CFAP54: variants seen among roughly 807,000 people sequenced by gnomAD.
CFAP54 encodes the protein cilia and flagella associated protein 54, also known as cilia- and flagella-associated protein 54.
CFAP54 carries 290 observed loss-of-function variants against 370.4 expected under a neutral mutation model. The ratio of observed to expected loss-of-function variants is 0.78; its 90% CI spans 0.71 to 0.86. The LOEUF is 0.86. Among genes scored for constraint, CFAP54 ranks in the 40% least tolerant of loss-of-function variants. The pLI, the probability that CFAP54 is intolerant of heterozygous loss-of-function variation, is 0.00. For missense variants in CFAP54, 3,399 were observed against 3,528.7 expected (o/e 0.96, Z 0.93); for synonymous variants, 1,206 against 1,236.5 (o/e 0.98, Z 0.52).
At chr12:96,632,122 C>G (rs1026384950) in intron 32 of CFAP54, among the ~76,000 whole-genome samples, 1 of 151,892 alleles carries the variant, frequency 6.6e-6, no homozygotes, top group Non-Finnish European at 1.5e-5. Flanking sequence ...TTTTATTTGG[C>G]CCAAGGGTTT....
chr12:96,580,693 C>A lies in CFAP54; in HGVS notation c.2889+4C>A. 1 of 1,480,272 alleles carries A rather than the reference C, an allele frequency of 6.8e-7. No individual in the cohort carries two copies. The highest frequency in any genetic ancestry group is 1.3e-5 in the South Asian group (1 of 79,142). 91.7% of individuals were successfully genotyped at this position (1,480,272 alleles called of 1,614,324 possible). On this transcript the variant is annotated splice_donor_region_variant and intron_variant, in intron 21 of 67. Coordinates refer to ENST00000524981, the MANE Select transcript of CFAP54 (RefSeq NM_001306084.2). Reference sequence around the variant, plus strand: ...TCTCCCAAATTCAGGAGAAGCGGTACGTCAAATTAAACATCAGGAAATCTT... The same window carrying A: ...TCTCCCAAATTCAGGAGAAGCGGTAAGTCAAATTAAACATCAGGAAATCTT...
At chr12:96,715,505 C>T (rs758315604) in intron 48 of CFAP54, among the ~76,000 whole-genome samples, 1 of 152,194 alleles carries the variant, frequency 6.6e-6, no homozygotes, top group Admixed American at 6.5e-5. Context: ...CAGTGAAACA[C>T]TGGTACTGTC....
chr12:96,750,285 TGCAGCAGCA>T (rs372696653), intron 55 of CFAP54, among the ~76,000 whole-genome samples: 79 of 151,632 alleles, frequency 5.2e-4, no homozygotes, highest in African/African-American at 9.2e-4. Context: ...ACCTGTCTCC[TGCAGCAGCA>T]GCAGCAGCAG....
At position 96,817,889 on chromosome 12, in the gene CFAP54, G is replaced by A; in HGVS notation, c.9072G>A (p.Glu3024=). ...ACATATATGAAGTAGAAGTGGAAGA[G>A]GAATCAGTTGATAATGAAATGGAAG... ...NENIYEVEVE[E]ESVDNEMEDM... The change falls in exon 65 of 68, where the codon GAG becomes GAA. Residue 3024 remains glutamate (E), a synonymous_variant. Coordinates refer to ENST00000524981, the MANE Select transcript of CFAP54 (RefSeq NM_001306084.2). 1.3e-6 allele frequency: 2 copies of A among 1,492,910 alleles called. No individual in the cohort carries two copies. The highest frequency in any genetic ancestry group is 2.6e-5 in the South Asian group (2 of 77,358). 92.5% of individuals were successfully genotyped at this position (1,492,910 alleles called of 1,614,324 possible). A position where few individuals can be genotyped will look rare whatever the true frequency, so the allele number is the denominator to read the frequency against.
In CFAP54 at chr12:96,775,495, A is replaced by G. The variant is rs151059844; in HGVS notation, c.8282-9222A>G. 2.6e-5 allele frequency among the ~76,000 whole-genome samples: 4 copies of G among 152,328 alleles called. No homozygotes were observed. The East Asian group carries it at 7.7e-4, about 29-fold the overall frequency. ...TTTCATATGATTTTCATGTAACACA[A>G]AATATTATTCTTTTAATTTTTTTCC... On this transcript the variant is annotated intron_variant, in intron 60 of 67. Transcript: ENST00000524981.
At position 96,743,740 on chromosome 12, in the gene CFAP54, C is replaced by T. The variant is rs768288861; in HGVS notation, c.7387C>T (p.His2463Tyr). Residue 2463 changes from histidine (H) to tyrosine (Y), a missense_variant, in exon 54 of 68, where the codon CAT (histidine) becomes TAT (tyrosine). By Grantham distance (83) the His-to-Tyr change is moderately conservative (BLOSUM62 2). Coordinates refer to ENST00000524981, the MANE Select transcript of CFAP54 (RefSeq NM_001306084.2). ...AATTTTATTTTAATAGGATATAATA[C>T]ATTTGCTGGAAGGAAATGAATTTAT... is the stretch of plus-strand genomic sequence containing the variant. ...DIMTNLQDII[H>Y]LLEGNEFISP... The T allele has an allele frequency of 6.2e-6, 10 of 1,603,280 alleles. No homozygotes were observed. Among genetic ancestry groups the T allele is most frequent in the Non-Finnish European group, 8.5e-6 (10 of 1,175,914 alleles).
At chr12:96,710,655 C>T (rs1261100804) in intron 48 of CFAP54, among the ~76,000 whole-genome samples, 3 of 151,856 alleles carry the variant, frequency 2.0e-5, no homozygotes, top group Non-Finnish European at 4.4e-5. Flanking sequence ...CTACATCAGA[C>T]ATACAGAATT....
At chr12:96,792,568 G>A in intron 63 of CFAP54, 69 bp downstream of exon 63, 1 of 1,178,488 alleles carries the variant, frequency 8.5e-7, no homozygotes, top group South Asian at 1.7e-5. Context: ...ATTATAACTT[G>A]GAGAGTAGAG....
intron 39 of CFAP54, among the ~76,000 whole-genome samples, chr12:96,676,846 A>T (rs570312791): frequency 6.6e-6 from 1 of 151,924 alleles, no homozygotes; most frequent in East Asian, 1.9e-4. Flanking sequence ...TACAAAAGAG[A>T]CCCCAGGTTG....
chr12:96,803,951 A>G (rs1051566450), intron 63 of CFAP54, among the ~76,000 whole-genome samples: 1 of 152,190 alleles, frequency 6.6e-6, no homozygotes, highest in South Asian at 2.1e-4. Flanking sequence ...AAGAACCTCA[A>G]TGAAATGCAG....
intron 58 of CFAP54, among the ~76,000 whole-genome samples, chr12:96,757,973 G>A (rs1958283383): frequency 6.6e-6 from 1 of 152,180 alleles, no homozygotes; most frequent in Non-Finnish European, 1.5e-5. Context: ...ATGGACAAGT[G>A]AAGTTTTCAA....
At chr12:96,663,033 C>T (rs1328873249) in intron 38 of CFAP54, among the ~76,000 whole-genome samples, 1 of 152,152 alleles carries the variant, frequency 6.6e-6, no homozygotes, top group Non-Finnish European at 1.5e-5. Flanking sequence ...GCTACATCAT[C>T]CCTTCTTCTT....
At chr12:96,614,997 T>C (rs1176878182) in intron 26 of CFAP54, among the ~76,000 whole-genome samples, 1 of 152,122 alleles carries the variant, frequency 6.6e-6, no homozygotes, top group Non-Finnish European at 1.5e-5. Context: ...CTTCACAGAA[T>C]TGGAAAAAAA....
In CFAP54 at chr12:96,774,271, A is replaced by G. The variant is rs191108139; in HGVS notation, c.8281+9053A>G. 3.1e-3 allele frequency among the ~76,000 whole-genome samples: 466 copies of G among 152,184 alleles called. 1 individual carries two copies. The highest frequency in any genetic ancestry group is 0.01 in the Middle Eastern group (3 of 294). On this transcript the variant is annotated intron_variant, in intron 60 of 67. Transcript: ENST00000524981. The stretch of plus-strand genomic sequence containing the variant: ...CAGTTGTTGCTTAACATTTTACATG[A>G]TAGTTCTGTTCCATGAAGAAGTTAT...
intron 63 of CFAP54, among the ~76,000 whole-genome samples, chr12:96,793,865 A>G (rs778058959): frequency 7.3e-5 from 11 of 151,512 alleles, no homozygotes; most frequent in Non-Finnish European, 1.5e-4. Context: ...TCTTTTGAGA[A>G]TTGTCTATTC....
intron 48 of CFAP54, 117 bp downstream of exon 48, chr12:96,708,920 GC>G: frequency 1.3e-6 from 1 of 786,290 alleles, no homozygotes; most frequent in Non-Finnish European, 1.9e-6. Flanking sequence ...TTTTCTCTAT[GC>G]TTATATAATG....
intron 66 of CFAP54, among the ~76,000 whole-genome samples, chr12:96,857,815 C>T (rs1959753950): frequency 6.6e-6 from 1 of 152,190 alleles, no homozygotes; most frequent in Non-Finnish European, 1.5e-5. Context: ...TTACAAGTTT[C>T]CTGAGTCCTC....
chr12:96,708,149 G>A (rs2136590365), intron 47 of CFAP54, among the ~76,000 whole-genome samples: 1 of 152,200 alleles, frequency 6.6e-6, no homozygotes. Flanking sequence ...AGTTGAGGGT[G>A]TATATGGGAA....
chr12:96,736,754 A>G (rs1186994355), intron 50 of CFAP54, among the ~76,000 whole-genome samples: 1 of 152,246 alleles, frequency 6.6e-6, no homozygotes, highest in Admixed American at 6.5e-5. Context: ...AACTGCACCA[A>G]GAGGCCCATT....
Sources: gnomAD v4.1 joint callset for allele counts (sites outside exome capture counted in the v4.1 genomes callset) on GRCh38, gnomAD v4.1.1 for gene constraint, MANE v1.5 for transcripts, NCBI Gene and HGNC (gene_info 2026-07-23, HGNC 2026-07-21) for gene names.